The following ZFP69B variants were observed in gnomAD, a reference collection of about 807,000 sequenced individuals.
ZFP69B encodes ZFP69 zinc finger protein B, also known as zinc finger protein 69 homolog B.
Under a neutral mutation model 19.7 loss-of-function variants are expected in ZFP69B, and 20 were observed. That is an observed-to-expected ratio of 1.02 (90% CI 0.71 to 1.48). The LOEUF (loss-of-function observed/expected upper bound fraction) is 1.48. Among genes scored for constraint, ZFP69B ranks in the 40% most tolerant of loss-of-function variants. The probability of loss-of-function intolerance (pLI) is 0.00; values close to 1 mark genes in which losing one functional copy is unlikely to be tolerated. For synonymous variants in ZFP69B, 220 were observed against 222.7 expected, an observed-to-expected ratio of 0.99 and a Z score of 0.11; for missense variants, 583 against 632.6, an observed-to-expected ratio of 0.92 and a Z score of 0.84.
In ZFP69B at chr1:40,462,863, C is replaced by T. The variant is rs745685335; in HGVS notation, c.879C>T (p.His293=). The T allele has an allele frequency of 3.7e-6, 6 of 1,614,138 alleles. No individual in the cohort carries two copies. The highest frequency in any genetic ancestry group is 1.1e-5 in the South Asian group (1 of 91,076). ...ICEKIFKQLI[H]LTEHMRIHTG... is the part of the protein sequence containing the mutation. ...AAAAAATCTTCAAACAGCTTATTCA[C>T]CTTACTGAACACATGAGAATTCATA... Residue 293 remains histidine (H), a synonymous_variant, in exon 5 of 5, where the codon CAC becomes CAT. Transcript: ENST00000361584.
chr1:40,451,660 G>GGA (rs386366768), intron 1 of ZFP69B, among the ~76,000 whole-genome samples: 6 of 146,816 alleles, frequency 4.1e-5, no homozygotes, highest in Non-Finnish European at 6.0e-5. Flanking sequence ...ACGTGGGGGG[G>GGA]GGGGAATTCA....
At chr1:40,461,145 C>CAAAAA (rs576934778) in intron 4 of ZFP69B, among the ~76,000 whole-genome samples, 1 of 51,396 alleles carries the variant, frequency 1.9e-5, no homozygotes. Context: ...GACCCCATCA[C>CAAAAA]AAAAAAAAAA....
At chr1:40,454,401 T>G in intron 2 of ZFP69B, 113 bp downstream of exon 2, 3 of 749,012 alleles carry the variant, frequency 4.0e-6, no homozygotes, top group Non-Finnish European at 5.8e-6. Context: ...TTTTTTTCTT[T>G]TTTTCATTAT....
chr1:40,451,183 C>G, intron 1 of ZFP69B, 95 bp downstream of exon 1: 1 of 1,354,472 alleles, frequency 7.4e-7, no homozygotes, highest in South Asian at 1.8e-5. Context: ...CTTAGGGAGA[C>G]GAGTGGGTGG....
Position 40,463,315 on chromosome 1 carries a change from A to G in ZFP69B, c.1331A>G (p.Glu444Gly). 1.2e-6 allele frequency: 2 copies of G among 1,614,188 alleles called. No homozygotes were observed. Among genetic ancestry groups the G allele is most frequent in the Non-Finnish European group, 1.7e-6 (2 of 1,180,022 alleles). ...CAACACCAGAGAACTCATACTGGAG[A>G]AAGACCATATAAATGTAAGGAATGT... ...LTQHQRTHTGERPYKCKECGK... is the reference protein window; with the variant it reads ...LTQHQRTHTGGRPYKCKECGK... The change falls in exon 5 of 5, where the codon GAA becomes GGA. Residue 444 changes from glutamate to glycine, a missense_variant. Coordinates refer to ENST00000361584, the MANE Select transcript of ZFP69B (RefSeq NM_023070.3).
In ZFP69B at chr1:40,457,290, C is replaced by A. The variant is rs764061910; in HGVS notation, c.341-54C>A. ...AATACCAAAGAACCATATTTAAATT[C>A]TTGGGATGGCTCTGTGACCTCAGCA... On this transcript the variant is annotated intron_variant, in intron 3 of 4. Transcript: ENST00000361584. 8.2e-6 allele frequency: 13 copies of A among 1,581,712 alleles called. No individual in the cohort carries two copies. The Admixed American group carries it at 8.4e-5, about 10-fold the overall frequency.
chr1:40,455,343 G>A (rs1248624103), intron 2 of ZFP69B, among the ~76,000 whole-genome samples: 3 of 152,116 alleles, frequency 2.0e-5, no homozygotes, highest in African/African-American at 7.2e-5. Context: ...AGTGATCTTG[G>A]CTCCCAAAAT....
At chr1:40,457,132 A>G in intron 3 of ZFP69B, 61 bp downstream of exon 3, 2 of 1,579,498 alleles carry the variant, frequency 1.3e-6, no homozygotes, top group Non-Finnish European at 1.7e-6. Context: ...TTTGTTTCTA[A>G]ATTAAGTGCT....
chr1:40,454,221 C>T lies in ZFP69B; in HGVS notation c.146C>T (p.Ala49Val), dbSNP rs1405749042. 6 of 1,602,680 alleles carry T rather than the reference C, an allele frequency of 3.7e-6. No individual in the cohort carries two copies. Among genetic ancestry groups the T allele is most frequent in the Non-Finnish European group, 4.3e-6 (5 of 1,173,664 alleles). ...FKAEALLSQD[A>V]DETQGESLES... is the part of the protein sequence containing the mutation. ...TCCCCAGCTCTGCTGTCTCAGGATG[C>T]TGATGAGACCCAGGGCGAAAGTTTA... The change falls in exon 2 of 5, where the codon GCT (alanine) becomes GTT (valine). Residue 49 changes from alanine to valine, a missense_variant. By Grantham distance (64) the Ala-to-Val change is moderately conservative. Coordinates refer to ENST00000361584, the MANE Select transcript of ZFP69B (RefSeq NM_023070.3).
At position 40,462,764 on chromosome 1, in the gene ZFP69B, C is replaced by G. The variant is rs763365431; in HGVS notation, c.780C>G (p.Ser260Arg). The change falls in exon 5 of 5, where the codon AGC (serine) becomes AGG (arginine). Residue 260 changes from serine to arginine, a missense_variant. By Grantham distance (110) the Ser-to-Arg change is moderately radical (BLOSUM62 -1). Transcript: ENST00000361584. ...DRKYDTPGKR[S>R]RYNIDLVNHS... ...AATATGACACACCTGGAAAGAGAAGCAGATACAACATAGATTTAGTTAATC... is the reference window on the plus strand; with the variant it reads ...AATATGACACACCTGGAAAGAGAAGGAGATACAACATAGATTTAGTTAATC... 5 of 1,613,906 alleles carry G rather than the reference C, an allele frequency of 3.1e-6. 1 individual carries two copies. The South Asian group carries it at 5.5e-5, about 18-fold the overall frequency.
upstream of ZFP69B, chr1:40,450,082 C>T (rs1285349544): frequency 6.6e-6 from 1 of 152,280 alleles, no homozygotes; most frequent in Non-Finnish European, 1.5e-5. Flanking sequence ...CCCCGACTGC[C>T]CGCCGCAGCG....
Position 40,462,537 on chromosome 1 carries a change from A to C in ZFP69B, c.553A>C (p.Thr185Pro). The part of the protein sequence containing the change: ...RFTKGSSMYS[T>P]LGRISKCNKL... ...TACAAAAGGAAGCAGCATGTATTCCACCTTGGGAAGAATCTCCAAATGTAA... is the reference window on the plus strand; with the variant it reads ...TACAAAAGGAAGCAGCATGTATTCCCCCTTGGGAAGAATCTCCAAATGTAA... Residue 185 changes from threonine (T) to proline (P), a missense_variant, in exon 5 of 5, where the codon ACC becomes CCC. Thr to Pro is a conservative substitution (Grantham distance 38). Coordinates refer to ENST00000361584, the MANE Select transcript of ZFP69B (RefSeq NM_023070.3). The C allele has an allele frequency of 1.2e-6, 2 of 1,614,184 alleles. No homozygotes were observed. Among genetic ancestry groups the C allele is most frequent in the Non-Finnish European group, 1.7e-6 (2 of 1,180,018 alleles).
intron 1 of ZFP69B, 74 bp downstream of exon 1, chr1:40,451,162 TG>T (rs1315062193): frequency 1.4e-6 from 2 of 1,416,338 alleles, no homozygotes; most frequent in Non-Finnish European, 1.9e-6. Context: ...GTCACTTGAG[TG>T]GAAGCATCTC....
In ZFP69B at chr1:40,462,851, AC is replaced by A. The variant is rs758471306; in HGVS notation, c.868del (p.Gln290SerfsTer9). ...GTAATATTTGTGAAAAAATCTTCAA[AC>A]AGCTTATTCACCTTACTGAACACAT... is the stretch of plus-strand genomic sequence containing the variant. Reference protein sequence around the residue: ...ECNICEKIFKQLIHLTEHMRI... With the variant: ...ECNICEKIFKXLIHLTEHMRI... On this transcript the variant is annotated frameshift_variant, in exon 5 of 5. Coordinates refer to ENST00000361584, the MANE Select transcript of ZFP69B (RefSeq NM_023070.3). LOFTEE classifies it low-confidence loss of function (END_TRUNC). 1 of 1,614,120 alleles carries A rather than the reference AC, an allele frequency of 6.2e-7. No individual in the cohort carries two copies. Among genetic ancestry groups the A allele is most frequent in the Admixed American group, 1.7e-5 (1 of 60,024 alleles).
At chr1:40,456,679 C>A (rs1271918096) in intron 2 of ZFP69B, among the ~76,000 whole-genome samples, 1 of 152,178 alleles carries the variant, frequency 6.6e-6, no homozygotes, top group Non-Finnish European at 1.5e-5. Flanking sequence ...TGTCTTTAAT[C>A]AAAATTACTG....
rs375957457 is a variant in ZFP69B, at chr1:40,463,374, A to G, written c.1390A>G (p.Ile464Val). ...CTTTAGCCAGAGAATACATCTTTCT[A>G]TCCATCAGAGAGTCCATACTGGAGT... ...KAFSQRIHLSIHQRVHTGVKP... is the reference protein window; with the variant it reads ...KAFSQRIHLSVHQRVHTGVKP... The change falls in exon 5 of 5, where the codon ATC becomes GTC. Residue 464 changes from isoleucine to valine, a missense_variant. Ile to Val is a conservative substitution (Grantham distance 29, BLOSUM62 3). Transcript: ENST00000361584. 10 of 1,614,162 alleles carry G rather than the reference A, an allele frequency of 6.2e-6. No homozygotes were observed. The highest frequency in any genetic ancestry group is 1.6e-4 in the Middle Eastern group (1 of 6,062).
At chr1:40,451,773 G>C (rs1289949132) in intron 1 of ZFP69B, among the ~76,000 whole-genome samples, 2 of 152,058 alleles carry the variant, frequency 1.3e-5, no homozygotes, top group African/African-American at 4.8e-5. Flanking sequence ...ATCCTCTTCA[G>C]TTGGTGAGGG....
In ZFP69B at chr1:40,456,971, T is replaced by C; in HGVS notation, c.240T>C (p.Ser80=). The C allele has an allele frequency of 1.2e-6, 2 of 1,614,146 alleles. No homozygotes were observed. The highest frequency in any genetic ancestry group is 8.5e-7 in the Non-Finnish European group (1 of 1,180,008). ...AACTGTTAACCTTCAAGGACGTATC[T>C]GTGGACTTCACTCAGGAGGAGTGGG... The part of the protein sequence containing the change: ...SQELLTFKDV[S]VDFTQEEWGQ... The change falls in exon 3 of 5, where the codon TCT becomes TCC. Residue 80 remains serine, a synonymous_variant. Coordinates refer to ENST00000361584, the MANE Select transcript of ZFP69B (RefSeq NM_023070.3).
chr1:40,453,896 TAAC>T (rs1224060998), intron 1 of ZFP69B, among the ~76,000 whole-genome samples: 1 of 152,048 alleles, frequency 6.6e-6, no homozygotes, highest in East Asian at 1.9e-4. Context: ...AATTAAAAAA[TAAC>T]AAAAAAGAAA....
Sources: allele counts gnomAD v4.1 joint callset (sites outside exome capture counted in the v4.1 genomes callset), GRCh38; gene constraint gnomAD v4.1.1; transcripts MANE v1.5; gene names NCBI Gene and HGNC (gene_info 2026-07-23, HGNC 2026-07-21).